Variants in LRTM3 observed in about 807,000 individuals in gnomAD.
LRTM3 encodes the protein leucine-rich repeat transmembrane protein 3.
the LRTM3 span, chr13:102,731,983 T>C: frequency 6.4e-7 from 1 of 1,551,264 alleles, no homozygotes; most frequent in African/African-American, 1.4e-5. Context: ...TTTGTGCCTT[T>C]AAGTATTTTT....
At chr13:102,732,675 G>A in the LRTM3 span, 1 of 1,551,086 alleles carries the variant, frequency 6.4e-7, no homozygotes, top group Non-Finnish European at 8.7e-7. Context: ...AGAAGATGCG[G>A]GTGTGCACTA....
At chr13:102,739,851 T>C in the LRTM3 span, 1 of 1,550,148 alleles carries the variant, frequency 6.5e-7, no homozygotes, top group South Asian at 1.2e-5. Context: ...ATTTCACTCA[T>C]TCTATGTTTC....
At chr13:102,742,955 C>T in the LRTM3 span, 1 of 1,544,466 alleles carries the variant, frequency 6.5e-7, no homozygotes, top group Non-Finnish European at 8.7e-7. Flanking sequence ...AACTTTGAGA[C>T]TTTCTTTTCC....
At chr13:102,743,967 C>G in the LRTM3 span, 1 of 1,550,394 alleles carries the variant, frequency 6.4e-7, no homozygotes, top group Non-Finnish European at 8.7e-7. Context: ...ATATGACCAT[C>G]CAGATTTTGT....
chr13:102,736,553 T>C, the LRTM3 span: 6 of 1,551,042 alleles, frequency 3.9e-6, no homozygotes, highest in East Asian at 1.2e-4. Flanking sequence ...TATTCGTGGT[T>C]CACCTTCCTC....
At chr13:102,745,520 C>A in the LRTM3 span, 8 of 1,551,012 alleles carry the variant, frequency 5.2e-6, no homozygotes, top group Non-Finnish European at 7.0e-6. Flanking sequence ...CGGACCAGCA[C>A]CAGCCCTGAT....
At chr13:102,743,049 G>T in the LRTM3 span, 4 of 1,549,692 alleles carry the variant, frequency 2.6e-6, no homozygotes, top group African/African-American at 1.4e-5. Flanking sequence ...TCTCCCAAAA[G>T]CACATCCTCT....
At chr13:102,737,174 G>GT in the LRTM3 span, 52 of 1,550,900 alleles carry the variant, frequency 3.4e-5, no homozygotes, top group Non-Finnish European at 4.4e-5. Flanking sequence ...CACACTTACT[G>GT]TTTTTCCTCT....
At chr13:102,742,232 G>T in the LRTM3 span, 1 of 1,550,426 alleles carries the variant, frequency 6.4e-7, no homozygotes. Flanking sequence ...TTTATTGCTT[G>T]CAGTACCATA....
the LRTM3 span, chr13:102,744,449 G>C: frequency 3.7e-5 from 58 of 1,549,896 alleles, no homozygotes; most frequent in Non-Finnish European, 4.8e-5. Context: ...TGATTTCCCT[G>C]TTTTGGGAAA....
the LRTM3 span, chr13:102,758,950 A>G: frequency 1.4e-6 from 2 of 1,401,778 alleles, no homozygotes; most frequent in East Asian, 5.0e-5. Context: ...TCATATGTGA[A>G]AGAGACTGGT....
the LRTM3 span, among the ~76,000 whole-genome samples, chr13:102,751,105 G>C: frequency 6.6e-6 from 1 of 152,110 alleles, no homozygotes; most frequent in African/African-American, 2.4e-5. Flanking sequence ...ATTAACATTT[G>C]TATCAGTGAA....
chr13:102,740,269 AG>A, the LRTM3 span: 2 of 1,550,116 alleles, frequency 1.3e-6, no homozygotes, highest in Non-Finnish European at 1.7e-6. Flanking sequence ...ATGATCCTAA[AG>A]GCAGCATTGA....
the LRTM3 span, chr13:102,746,453 C>A: frequency 1.3e-6 from 2 of 1,551,036 alleles, no homozygotes; most frequent in Middle Eastern, 1.7e-4. Context: ...CATTGGAGAG[C>A]AAAGGGTATT....
At chr13:102,734,194 C>T in the LRTM3 span, 11 of 1,551,376 alleles carry the variant, frequency 7.1e-6, no homozygotes, top group East Asian at 1.5e-4. Context: ...TCATATCTAT[C>T]GTTTTCACTT....
At chr13:102,737,425 A>G in the LRTM3 span, 13 of 1,550,234 alleles carry the variant, frequency 8.4e-6, no homozygotes, top group Non-Finnish European at 1.1e-5. Context: ...TTTCCTGTTT[A>G]CTCTTGTGTC....
the LRTM3 span, chr13:102,741,494 A>G: frequency 7.4e-5 from 114 of 1,549,340 alleles, no homozygotes; most frequent in Non-Finnish European, 9.4e-5. Context: ...TTCTTTTCCC[A>G]ATACATGTGA....
At chr13:102,752,252 G>T in the LRTM3 span, among the ~76,000 whole-genome samples, 1 of 152,116 alleles carries the variant, frequency 6.6e-6, no homozygotes. Flanking sequence ...TCCATGGAGA[G>T]GAATGAAGCT....
the LRTM3 span, chr13:102,730,742 A>G: frequency 6.4e-7 from 1 of 1,551,772 alleles, no homozygotes; most frequent in East Asian, 2.4e-5. Flanking sequence ...GTTTTTACAC[A>G]CTGCAATTGT....
Sources: gnomAD v4.1 joint callset for allele counts (sites outside exome capture counted in the v4.1 genomes callset) on GRCh38, gnomAD v4.1.1 for gene constraint, MANE v1.5 for transcripts, NCBI Gene and HGNC (gene_info 2026-07-23, HGNC 2026-07-21) for gene names.